NT5DC3: variants seen among roughly 807,000 people sequenced by gnomAD.
NT5DC3 encodes 5'-nucleotidase domain-containing protein 3.
Under a neutral mutation model 67.8 loss-of-function variants are expected in NT5DC3, and 42 were observed. The observed-to-expected ratio is 0.62, with a 90% CI of 0.48 to 0.80. The LOEUF (loss-of-function observed/expected upper bound fraction) is 0.80, where lower values mean the gene tolerates loss of function less well. Among genes scored for constraint, NT5DC3 ranks in the 30% least tolerant of loss-of-function variants. The pLI is 0.00. For synonymous variants in NT5DC3, 237 were observed against 255.6 expected, an observed-to-expected ratio of 0.93 and a Z score of 0.69; for missense variants, 570 against 696.4, an observed-to-expected ratio of 0.82 and a Z score of 2.04.
intron 4 of NT5DC3, among the ~76,000 whole-genome samples, chr12:103,801,732 GT>G (rs1363838487): frequency 6.6e-6 from 1 of 152,120 alleles, no homozygotes; most frequent in Non-Finnish European, 1.5e-5. Flanking sequence ...GAGAAAGGCT[GT>G]TTTTGTCTCC....
chr12:103,763,396 C>A, the NT5DC3 span: 1 of 955,158 alleles, frequency 1.0e-6, no homozygotes, highest in Non-Finnish European at 1.6e-6. Flanking sequence ...GGAAAAGCTC[C>A]CAGAGGCAAA....
At chr12:103,793,680 C>T (rs1886169279) in intron 7 of NT5DC3, among the ~76,000 whole-genome samples, 168 bp from the exon 8 acceptor site, 1 of 152,200 alleles carries the variant, frequency 6.6e-6, no homozygotes, top group African/African-American at 2.4e-5. Context: ...TCTGGTGCAT[C>T]ATTCACAAAG....
the NT5DC3 span, among the ~76,000 whole-genome samples, chr12:103,754,103 C>G: frequency 6.6e-6 from 1 of 152,100 alleles, no homozygotes; most frequent in African/African-American, 2.4e-5. Flanking sequence ...AGCCCCTTCT[C>G]CAACCTCCAT....
the NT5DC3 span, chr12:103,748,868 C>A: frequency 7.5e-7 from 1 of 1,332,672 alleles, no homozygotes. Flanking sequence ...TTTACTCACC[C>A]AACACCACTA....
At chr12:103,785,714 C>T in intron 11 of NT5DC3, 1 of 586,842 alleles carries the variant, frequency 1.7e-6, no homozygotes, top group Non-Finnish European at 3.1e-6. Context: ...ACAACCCCTG[C>T]AGAAACACTA....
the NT5DC3 span, among the ~76,000 whole-genome samples, chr12:103,755,890 A>C: frequency 2.0e-5 from 3 of 152,136 alleles, no homozygotes; most frequent in African/African-American, 7.2e-5. Context: ...TAAAACCTTA[A>C]AGAAGTTACT....
chr12:103,801,894 T>G (rs1347917049), intron 4 of NT5DC3, among the ~76,000 whole-genome samples: 5 of 152,150 alleles, frequency 3.3e-5, no homozygotes, highest in Non-Finnish European at 7.4e-5. Flanking sequence ...GCAGGTATGC[T>G]TCATCTTCAC....
chr12:103,797,030 C>A lies in NT5DC3; in HGVS notation c.617G>T (p.Ser206Ile). 6.2e-7 allele frequency: 1 copy of A among 1,614,074 alleles called. No homozygotes were observed. Among genetic ancestry groups the A allele is most frequent in the Non-Finnish European group, 8.5e-7 (1 of 1,180,018 alleles). Reference protein sequence around the residue: ...LEQMSDFYGKSSHGNTMKQFM... With the variant: ...LEQMSDFYGKISHGNTMKQFM... ...CTGCTTCATCGTGTTTCCATGAGAG[C>A]TCTGCAGACAGGGTGGAAGGAATGC... is the stretch of plus-strand genomic sequence containing the variant. The change falls in exon 6 of 14, where the codon AGC (serine) becomes ATC (isoleucine). Residue 206 changes from serine (S) to isoleucine (I), a missense_variant and splice_region_variant. Coordinates refer to ENST00000392876, the MANE Select transcript of NT5DC3 (RefSeq NM_001031701.3).
chr12:103,821,435 C>G (rs1887486379), intron 1 of NT5DC3, among the ~76,000 whole-genome samples: 1 of 152,210 alleles, frequency 6.6e-6, no homozygotes, highest in Admixed American at 6.5e-5. Context: ...CCTAACAGAG[C>G]ACCTGAATTC....
intron 1 of NT5DC3, among the ~76,000 whole-genome samples, chr12:103,829,898 G>T (rs1887852846): frequency 6.9e-6 from 1 of 144,792 alleles, no homozygotes; most frequent in African/African-American, 2.5e-5. Flanking sequence ...AAAAAAAAAA[G>T]GTCTCTTTAC....
At chr12:103,795,958 T>G (rs943406578) in intron 6 of NT5DC3, among the ~76,000 whole-genome samples, 1 of 152,240 alleles carries the variant, frequency 6.6e-6, no homozygotes, top group Non-Finnish European at 1.5e-5. Context: ...TTGGCGTTAT[T>G]CAAGGACCTG....
the NT5DC3 span, chr12:103,761,411 G>A: frequency 1.2e-6 from 2 of 1,613,044 alleles, no homozygotes; most frequent in African/African-American, 2.7e-5. Context: ...TGCCCCCGTG[G>A]TGAGTATCTA....
At chr12:103,797,724 G>A (rs1469159045) in intron 5 of NT5DC3, among the ~76,000 whole-genome samples, 2 of 152,014 alleles carry the variant, frequency 1.3e-5, no homozygotes. Flanking sequence ...TCCTGAACTG[G>A]AGCACGAACC....
chr12:103,805,392 T>C (rs1344004203), intron 4 of NT5DC3, among the ~76,000 whole-genome samples: 1 of 152,246 alleles, frequency 6.6e-6, no homozygotes, highest in Non-Finnish European at 1.5e-5. Flanking sequence ...TTCACTTTGA[T>C]TTTAAAAATA....
intron 6 of NT5DC3, among the ~76,000 whole-genome samples, chr12:103,796,133 C>A (rs372472236): frequency 3.3e-5 from 5 of 152,232 alleles, no homozygotes; most frequent in Non-Finnish European, 7.3e-5. Context: ...CACATGGAAC[C>A]TTTGTAGGCA....
At chr12:103,757,089 TTTTG>T in the NT5DC3 span, among the ~76,000 whole-genome samples, 203 of 150,036 alleles carry the variant, frequency 1.4e-3, 1 homozygote, top group African/African-American at 3.7e-3. Flanking sequence ...TTTATATATA[TTTTG>T]TTTGTTTGTT....
At chr12:103,765,386 G>C in the NT5DC3 span, among the ~76,000 whole-genome samples, 1 of 152,154 alleles carries the variant, frequency 6.6e-6, no homozygotes, top group Non-Finnish European at 1.5e-5. Flanking sequence ...TAAGGTACCA[G>C]CTTACAAAGT....
At chr12:103,833,757 G>C (rs973151731) in intron 1 of NT5DC3, among the ~76,000 whole-genome samples, 6 of 148,890 alleles carry the variant, frequency 4.0e-5, no homozygotes, top group Admixed American at 4.0e-4. Context: ...CAAAATATAA[G>C]GTTGGAGCAA....
chr12:103,755,781 G>C, the NT5DC3 span: 6 of 1,504,354 alleles, frequency 4.0e-6, no homozygotes, highest in African/African-American at 8.2e-5. Context: ...GCAGGTATTA[G>C]AGGGGTGAGG....
Sources: allele counts gnomAD v4.1 joint callset (sites outside exome capture counted in the v4.1 genomes callset), GRCh38; gene constraint gnomAD v4.1.1; transcripts MANE v1.5; gene names NCBI Gene and HGNC (gene_info 2026-07-23, HGNC 2026-07-21).